The following TMEM168 variants were observed in gnomAD, a reference collection of about 807,000 sequenced individuals.
TMEM168 encodes transmembrane protein 168.
Under a neutral mutation model 53.2 loss-of-function variants are expected in TMEM168, and 40 were observed. The observed-to-expected ratio is 0.75, with a 90% CI of 0.58 to 0.98. TMEM168 has a LOEUF of 0.98. Among genes scored for constraint, TMEM168 ranks in the 50% least tolerant of loss-of-function variants. The pLI is 0.00. For missense variants in TMEM168, 771 were observed against 828.8 expected, an observed-to-expected ratio of 0.93 and a Z score of 0.86; for synonymous variants, 282 against 293.0, an observed-to-expected ratio of 0.96 and a Z score of 0.38.
Position 112,765,925 on chromosome 7 carries a change from T to C in TMEM168, c.*1272A>G, listed in dbSNP as rs1792765446. 8.5e-6 allele frequency: 1 copy of C among 118,216 alleles called. No individual in the cohort carries two copies. Among genetic ancestry groups the C allele is most frequent in the Non-Finnish European group, 1.6e-5 (1 of 62,330 alleles). The allele number at this position is 118,216 out of a possible 1,614,324, so 7.3% of individuals were successfully genotyped here. On this transcript the variant is annotated 3_prime_UTR_variant, in exon 5 of 5. Coordinates refer to ENST00000312814, the MANE Select transcript of TMEM168 (RefSeq NM_022484.6). The stretch of plus-strand genomic sequence containing the variant: ...AGGCATTATTTCCTCTTTCTGAGGC[T>C]ATAAAAAAATGGCTTCAATGGTGAG...
At chr7:112,769,454 CACAAA>C (rs1487984956) in intron 4 of TMEM168, among the ~76,000 whole-genome samples, 9 of 152,112 alleles carry the variant, frequency 5.9e-5, no homozygotes, top group African/African-American at 1.4e-4. Context: ...TTCCATCTGC[CACAAA>C]ACATCATTGC....
At chr7:112,778,285 A>G (rs1793142292) in intron 2 of TMEM168, 1 of 152,208 alleles carries the variant, frequency 6.6e-6, no homozygotes, top group Non-Finnish European at 1.5e-5. Flanking sequence ...TGAGGGGACC[A>G]AAAGTGCAGC....
intron 3 of TMEM168, among the ~76,000 whole-genome samples, chr7:112,773,561 TTATC>T (rs1047765419): frequency 5.3e-5 from 8 of 152,070 alleles, no homozygotes; most frequent in Admixed American, 4.6e-4. Flanking sequence ...ATAGAAGAAA[TTATC>T]TATTAATAGG....
At position 112,784,157 on chromosome 7, in the gene TMEM168, C is replaced by A. The variant is rs140711193; in HGVS notation, c.669G>T (p.Pro223=). The change falls in exon 2 of 5, where the codon CCG becomes CCT. Residue 223 remains proline (P), a synonymous_variant. Coordinates refer to ENST00000312814, the MANE Select transcript of TMEM168 (RefSeq NM_022484.6). Reference sequence around the variant, plus strand: ...AAATAAAAAAACACGCAAAAGCAATCGGATTTTTGGGAGTTTCCAATGAGG... The same window carrying A: ...AAATAAAAAAACACGCAAAAGCAATAGGATTTTTGGGAGTTTCCAATGAGG... ...FFSSLETPKN[P]IAFACFFICL... 4 of 1,613,804 alleles carry A rather than the reference C, an allele frequency of 2.5e-6. No individual in the cohort carries two copies. In the African/African-American group the frequency reaches 5.3e-5, roughly 22 times the overall value.
chr7:112,778,739 T>C (rs1385826337), intron 2 of TMEM168: 4 of 152,226 alleles, frequency 2.6e-5, no homozygotes, highest in African/African-American at 4.8e-5. Context: ...AGTGATGTTA[T>C]TCAATACCCT....
In TMEM168 at chr7:112,765,276, G is replaced by A. The variant is rs193275430; in HGVS notation, c.*1921C>T. 2 of 152,190 alleles carry A rather than the reference G, an allele frequency of 1.3e-5. No individual in the cohort carries two copies. Among genetic ancestry groups the A allele is most frequent in the Non-Finnish European group, 1.5e-5 (1 of 67,994 alleles). 9.4% of individuals were successfully genotyped at this position (152,190 alleles called of 1,614,324 possible). ...CATTCTTGGCCCAAAGACCATTTTT[G>A]GTTTTACTTTCACAGGAAATACATA... is the stretch of plus-strand genomic sequence containing the variant. On this transcript the variant is annotated 3_prime_UTR_variant, in exon 5 of 5. Coordinates refer to ENST00000312814, the MANE Select transcript of TMEM168 (RefSeq NM_022484.6).
rs1017466698 is a variant in TMEM168 at position 112,767,050 on chromosome 7, C to T, written c.*147G>A. 1.5e-5 allele frequency: 12 copies of T among 795,174 alleles called. No individual in the cohort carries two copies. The African/African-American group carries it at 1.8e-4, about 12-fold the overall frequency. The allele number at this position is 795,174 out of a possible 1,614,324, so 49.3% of individuals were successfully genotyped here. On this transcript the variant is annotated 3_prime_UTR_variant, in exon 5 of 5. Coordinates refer to ENST00000312814, the MANE Select transcript of TMEM168 (RefSeq NM_022484.6). ...TTTTTTCCCAACGCCTTATATATAC[C>T]ATAATTACTTAAGAAAAGACAAAGT...
chr7:112,777,594 C>G (rs1445260807), intron 2 of TMEM168, among the ~76,000 whole-genome samples: 1 of 152,128 alleles, frequency 6.6e-6, no homozygotes, highest in Non-Finnish European at 1.5e-5. Flanking sequence ...TTTCATGCTG[C>G]TGCTTATATA....
intron 2 of TMEM168, among the ~76,000 whole-genome samples, chr7:112,777,374 A>C (rs1354296896): frequency 2.6e-5 from 4 of 152,168 alleles, no homozygotes; most frequent in Admixed American, 2.6e-4. Context: ...ACCACTCCAC[A>C]TTACAGTGCC....
At chr7:112,780,656 C>A (rs923092095) in intron 2 of TMEM168, among the ~76,000 whole-genome samples, 2 of 152,048 alleles carry the variant, frequency 1.3e-5, no homozygotes. Context: ...CGCAGGAGGT[C>A]GAGGCTGCAG....
Position 112,783,835 on chromosome 7 carries a change from A to G in TMEM168, c.991T>C (p.Phe331Leu). Residue 331 changes from phenylalanine (F) to leucine (L), a missense_variant, in exon 2 of 5, where the codon TTT (phenylalanine) becomes CTT (leucine). By Grantham distance (22) the Phe-to-Leu change is conservative. Coordinates refer to ENST00000312814, the MANE Select transcript of TMEM168 (RefSeq NM_022484.6). Reference protein sequence around the residue: ...TKLNDCHKVYFTHRTDYNSLD... With the variant: ...TKLNDCHKVYLTHRTDYNSLD... The stretch of plus-strand genomic sequence containing the variant: ...CTATTGTAATCTGTCCTGTGAGTAA[A>G]ATATACTTTATGGCAGTCATTTAAT... The G allele has an allele frequency of 6.2e-7, 1 of 1,607,516 alleles. No homozygotes were observed. The highest frequency in any genetic ancestry group is 8.5e-7 in the Non-Finnish European group (1 of 1,177,818).
intron 1 of TMEM168, among the ~76,000 whole-genome samples, chr7:112,789,697 G>C (rs948053462): frequency 6.6e-6 from 1 of 152,180 alleles, no homozygotes; most frequent in Non-Finnish European, 1.5e-5. Flanking sequence ...GTCCCATCTA[G>C]AAGTGTCAAG....
At chr7:112,770,399 T>C (rs1389662823) in intron 4 of TMEM168, among the ~76,000 whole-genome samples, 1 of 152,162 alleles carries the variant, frequency 6.6e-6, no homozygotes, top group African/African-American at 2.4e-5. Context: ...AGCCTCAAAG[T>C]TACACAAGAA....
Position 112,763,933 on chromosome 7 carries a change from G to C in TMEM168, c.*3264C>G, listed in dbSNP as rs1460897496. On this transcript the variant is annotated 3_prime_UTR_variant, in exon 5 of 5. Transcript: ENST00000312814. Reference sequence around the variant, plus strand: ...TTCCAAAGAATTTTGAATTTATTAAGAGCAAGACAGAATTCTATGGAAATA... The same window carrying C: ...TTCCAAAGAATTTTGAATTTATTAACAGCAAGACAGAATTCTATGGAAATA... The C allele has an allele frequency of 2.0e-5, 3 of 152,074 alleles. No individual in the cohort carries two copies. The allele number at this position is 152,074 out of a possible 1,614,324, so 9.4% of individuals were successfully genotyped here.
At chr7:112,782,460 C>A (rs1793257002) in intron 2 of TMEM168, among the ~76,000 whole-genome samples, 1 of 152,130 alleles carries the variant, frequency 6.6e-6, no homozygotes, top group Admixed American at 6.5e-5. Context: ...GGGAAAGGAG[C>A]TAGCAGGAGG....
Position 112,763,799 on chromosome 7 carries a change from A to C in TMEM168, c.*3398T>G, listed in dbSNP as rs1792709451. On this transcript the variant is annotated 3_prime_UTR_variant, in exon 5 of 5. Coordinates refer to ENST00000312814, the MANE Select transcript of TMEM168 (RefSeq NM_022484.6). ...ATAGATTCTAATAAAGATTTTACTC[A>C]AAACAAAAATCTACCCACTAATGCA... is the stretch of plus-strand genomic sequence containing the variant. The C allele has an allele frequency of 6.6e-6, 1 of 152,304 alleles. No homozygotes were observed. The highest frequency in any genetic ancestry group is 6.5e-5 in the Admixed American group (1 of 15,300). 9.4% of individuals were successfully genotyped at this position (152,304 alleles called of 1,614,324 possible).
chr7:112,782,001 G>C (rs756700101), intron 2 of TMEM168, among the ~76,000 whole-genome samples: 94 of 152,250 alleles, frequency 6.2e-4, no homozygotes, highest in Non-Finnish European at 1.0e-3. Flanking sequence ...ATCTGACAAA[G>C]GGCTCGTATC....
intron 2 of TMEM168, among the ~76,000 whole-genome samples, chr7:112,781,712 A>C (rs577452874): frequency 6.6e-4 from 101 of 152,212 alleles, no homozygotes; most frequent in Middle Eastern, 6.8e-3. Context: ...TAAAAAAAAA[A>C]AAACAAACTT....
At position 112,784,144 on chromosome 7, in the gene TMEM168, AC is replaced by A; in HGVS notation, c.681del (p.Cys228ValfsTer6). 2 of 1,614,070 alleles carry A rather than the reference AC, an allele frequency of 1.2e-6. No homozygotes were observed. The highest frequency in any genetic ancestry group is 2.2e-5 in the South Asian group (2 of 91,026). The part of the protein sequence containing the change: ...LETPKNPIAF[A>X]CFFICLITDP... ...TCAGTTATCAGGCAAATAAAAAAAC[AC>A]GCAAAAGCAATCGGATTTTTGGGAG... On this transcript the variant is annotated frameshift_variant, in exon 2 of 5. Transcript: ENST00000312814. LOFTEE classifies it high-confidence loss of function.
Sources: gnomAD v4.1 joint callset for allele counts (sites outside exome capture counted in the v4.1 genomes callset) on GRCh38, gnomAD v4.1.1 for gene constraint, MANE v1.5 for transcripts, NCBI Gene and HGNC (gene_info 2026-07-23, HGNC 2026-07-21) for gene names.